Variants in LRRC4C observed in about 807,000 individuals in gnomAD.
LRRC4C encodes the protein leucine-rich repeat-containing protein 4C.
A neutral mutation model predicts 33.6 loss-of-function variants in LRRC4C; 5 were observed. That is an observed-to-expected ratio of 0.15 (90% CI 0.08 to 0.31). The LOEUF (loss-of-function observed/expected upper bound fraction) is 0.31, where lower values mean the gene tolerates loss of function less well. LRRC4C is among the 10% of genes least tolerant of loss of function. The probability of loss-of-function intolerance (pLI) is 1.00; values close to 1 mark genes in which losing one functional copy is unlikely to be tolerated. For synonymous variants in LRRC4C, 329 were observed against 302.0 expected, an observed-to-expected ratio of 1.09 and a Z score of -0.93; for missense variants, 560 against 796.7, an observed-to-expected ratio of 0.70 and a Z score of 3.58.
chr11:41,434,303 G>C (rs960974331), intron 1 of LRRC4C, among the ~76,000 whole-genome samples: 2 of 151,760 alleles, frequency 1.3e-5, no homozygotes, highest in Non-Finnish European at 2.9e-5. Context: ...AAGACATCTG[G>C]GAATCTCTTT....
intron 2 of LRRC4C, among the ~76,000 whole-genome samples, chr11:40,765,162 T>G (rs1949391546): frequency 6.6e-6 from 1 of 152,124 alleles, no homozygotes; most frequent in Non-Finnish European, 1.5e-5. Flanking sequence ...TCATATCAAG[T>G]TGTAATTTCC....
rs1049201732 is a variant in LRRC4C, at chr11:41,301,356, T to C, written c.-496+158075A>G. On this transcript the variant is annotated intron_variant, in intron 1 of 6. Transcript: ENST00000528697. Reference sequence around the variant, plus strand: ...ACCTAGTTGAATGCTTTGTAAAGTTTTGATGTTAGTGAGTTGCTAAAAGCT... The same window carrying C: ...ACCTAGTTGAATGCTTTGTAAAGTTCTGATGTTAGTGAGTTGCTAAAAGCT... Among the ~76,000 whole-genome samples, 3 of 152,176 alleles carry C rather than the reference T, an allele frequency of 2.0e-5. No individual in the cohort carries two copies. The East Asian group carries it at 5.8e-4, about 29-fold the overall frequency.
intron 2 of LRRC4C, among the ~76,000 whole-genome samples, chr11:40,848,450 G>A (rs1245261251): frequency 6.6e-6 from 1 of 152,092 alleles, no homozygotes; most frequent in Non-Finnish European, 1.5e-5. Context: ...CCATGTAGTT[G>A]TGTGGTTTTG....
At position 41,416,621 on chromosome 11, in the gene LRRC4C, C is replaced by T. The variant is rs76942716; in HGVS notation, c.-496+42810G>A. ...TGAATCTCATGGCTGGGGGACAGTGCGTGCAAGGGAAGGAGTATGGGTTTC... is the reference window on the plus strand; with the variant it reads ...TGAATCTCATGGCTGGGGGACAGTGTGTGCAAGGGAAGGAGTATGGGTTTC... On this transcript the variant is annotated intron_variant, in intron 1 of 6. Coordinates refer to ENST00000528697, the MANE Select transcript of LRRC4C (RefSeq NM_001258419.2). Among the ~76,000 whole-genome samples the T allele has an allele frequency of 8.3e-3, 1,256 of 152,012 alleles. 59 individuals are homozygous for T. The East Asian group carries it at 0.13, about 16-fold the overall frequency.
At chr11:40,263,915 C>T (rs1373853678) in intron 4 of LRRC4C, among the ~76,000 whole-genome samples, 1 of 152,104 alleles carries the variant, frequency 6.6e-6, no homozygotes, top group Admixed American at 6.6e-5. Flanking sequence ...ATAGAAGGAG[C>T]CTGGGTTTCT....
At chr11:40,438,323 A>G (rs558353771) in intron 3 of LRRC4C, among the ~76,000 whole-genome samples, 1 of 152,368 alleles carries the variant, frequency 6.6e-6, no homozygotes, top group South Asian at 2.1e-4. Flanking sequence ...AAATAAAAAC[A>G]AAAACATAAA....
intron 1 of LRRC4C, among the ~76,000 whole-genome samples, chr11:41,324,715 G>T (rs1016772926): frequency 6.6e-6 from 1 of 152,140 alleles, no homozygotes; most frequent in Non-Finnish European, 1.5e-5. Flanking sequence ...AGACTCAGAG[G>T]CAGATATTTC....
intron 3 of LRRC4C, among the ~76,000 whole-genome samples, chr11:40,476,468 C>T (rs1953238434): frequency 6.6e-6 from 1 of 151,136 alleles, no homozygotes. Context: ...GCCTCAGCCT[C>T]CCAAGTAGCT....
At chr11:40,286,656 G>A (rs1394279355) in intron 4 of LRRC4C, among the ~76,000 whole-genome samples, 1 of 152,164 alleles carries the variant, frequency 6.6e-6, no homozygotes, top group African/African-American at 2.4e-5. Flanking sequence ...AGAAAAGAAA[G>A]TGGGCTAGCA....
intron 1 of LRRC4C, among the ~76,000 whole-genome samples, chr11:40,955,957 G>A (rs16935198): frequency 0.015 from 2,346 of 151,842 alleles, 63 homozygotes; most frequent in African/African-American, 0.054. Flanking sequence ...CACATTCTCC[G>A]AAGGGTGCAG....
rs950408506 is a variant in LRRC4C, at chr11:41,369,507, TA to T, written c.-496+89923del. Among the ~76,000 whole-genome samples the T allele has an allele frequency of 7.3e-5, 11 of 150,182 alleles. No individual in the cohort carries two copies. In the East Asian group the frequency reaches 1.8e-3, roughly 24 times the overall value. On this transcript the variant is annotated intron_variant, in intron 1 of 6. Coordinates refer to ENST00000528697, the MANE Select transcript of LRRC4C (RefSeq NM_001258419.2). ...CCCCTATAACACAAGTTTACCTACA[TA>T]ACAAACCTGCACATGTACCCCTGAG...
chr11:40,201,988 C>A (rs142977373), intron 5 of LRRC4C, among the ~76,000 whole-genome samples: 351 of 151,826 alleles, frequency 2.3e-3, no homozygotes, highest in African/African-American at 8.1e-3. Context: ...GGCTAGAGAC[C>A]CAAGGTGTTA....
At chr11:41,111,032 C>A (rs942156576) in intron 1 of LRRC4C, among the ~76,000 whole-genome samples, 34 of 152,038 alleles carry the variant, frequency 2.2e-4, no homozygotes, top group African/African-American at 8.0e-4. Flanking sequence ...CTGGAGACTA[C>A]TTTGGAGAAG....
intron 2 of LRRC4C, among the ~76,000 whole-genome samples, chr11:40,760,735 T>G (rs767850064): frequency 1.9e-4 from 28 of 150,378 alleles, no homozygotes; most frequent in Non-Finnish European, 3.5e-4. Flanking sequence ...CTCAGCCTCC[T>G]GTGTAGCTGA....
At chr11:40,957,997 G>A (rs1478130749) in intron 1 of LRRC4C, among the ~76,000 whole-genome samples, 2 of 151,628 alleles carry the variant, frequency 1.3e-5, no homozygotes, top group Admixed American at 1.3e-4. Context: ...TCCTAAGGGT[G>A]GAGGCTTCAT....
intron 6 of LRRC4C, among the ~76,000 whole-genome samples, chr11:40,133,615 G>C (rs1399020532): frequency 6.6e-6 from 1 of 152,082 alleles, no homozygotes; most frequent in East Asian, 1.9e-4. Context: ...TGCCATCATT[G>C]ATCATTTGTA....
At chr11:41,344,924 T>C (rs1056285544) in intron 1 of LRRC4C, among the ~76,000 whole-genome samples, 1 of 152,230 alleles carries the variant, frequency 6.6e-6, no homozygotes. Context: ...CCTCTGATAG[T>C]CGTTGCATTG....
At chr11:40,403,783 T>C (rs924461174) in intron 3 of LRRC4C, among the ~76,000 whole-genome samples, 2 of 151,768 alleles carry the variant, frequency 1.3e-5, no homozygotes, top group Non-Finnish European at 2.9e-5. Flanking sequence ...AACATTGGAG[T>C]TGACCAGGCT....
intron 1 of LRRC4C, among the ~76,000 whole-genome samples, chr11:41,360,607 G>A (rs551760071): frequency 6.6e-6 from 1 of 152,238 alleles, no homozygotes; most frequent in East Asian, 1.9e-4. Flanking sequence ...AGTCGAGATT[G>A]GATGAATGGA....
Sources: gnomAD v4.1 joint callset for allele counts (sites outside exome capture counted in the v4.1 genomes callset) on GRCh38, gnomAD v4.1.1 for gene constraint, MANE v1.5 for transcripts, NCBI Gene and HGNC (gene_info 2026-07-23, HGNC 2026-07-21) for gene names.